Variants in PCDHGB6 observed in about 807,000 individuals in gnomAD.
PCDHGB6 encodes protocadherin gamma-B6.
PCDHGB6 carries 51 observed loss-of-function variants against 59.1 expected under a neutral mutation model. The ratio of observed to expected loss-of-function variants is 0.86; its 90% CI spans 0.69 to 1.09. The LOEUF (loss-of-function observed/expected upper bound fraction) is 1.09. Among genes scored for constraint, PCDHGB6 ranks in the 50% least tolerant of loss-of-function variants. PCDHGB6 has a pLI of 0.00. For missense variants in PCDHGB6, 1,148 were observed against 1,205.1 expected, an observed-to-expected ratio of 0.95 and a Z score of 0.70; for synonymous variants, 466 against 495.1, an observed-to-expected ratio of 0.94 and a Z score of 0.78.
intron 1 of PCDHGB6, chr5:141,430,820 G>C (rs1194897001): frequency 6.5e-7 from 1 of 1,541,598 alleles, no homozygotes; most frequent in East Asian, 2.3e-5. Context: ...AATCCTCCTG[G>C]GGACTCTGTG....
Position 141,485,795 on chromosome 5 carries a change from T to G in PCDHGB6, c.2419-9012T>G, listed in dbSNP as rs1225630684. On this transcript the variant is annotated intron_variant, in intron 1 of 3. Coordinates refer to ENST00000520790, the MANE Select transcript of PCDHGB6 (RefSeq NM_018926.3). The surrounding 1 kb of genome is among the most constrained non-coding windows in gnomAD (Gnocchi z 5.7). ...TTTGGATCGAGAGAAGCAATCGGAC[T>G]ACCGCCTGGTGCTGACTGCTGTCGA... 16 of 1,614,092 alleles carry G rather than the reference T, an allele frequency of 9.9e-6. No individual in the cohort carries two copies. The highest frequency in any genetic ancestry group is 1.1e-5 in the Non-Finnish European group (13 of 1,180,046).
chr5:141,455,254 G>T (rs936599726), intron 1 of PCDHGB6, among the ~76,000 whole-genome samples: 3 of 151,732 alleles, frequency 2.0e-5, no homozygotes, highest in African/African-American at 7.3e-5. Context: ...TAGTACAATC[G>T]CATTTCTTCC....
In PCDHGB6 at chr5:141,511,330, T is replaced by C; in HGVS notation, c.*157T>C. 1 of 1,455,994 alleles carries C rather than the reference T, an allele frequency of 6.9e-7. No homozygotes were observed. The highest frequency in any genetic ancestry group is 9.1e-7 in the Non-Finnish European group (1 of 1,093,254). 90.2% of individuals were successfully genotyped at this position (1,455,994 alleles called of 1,614,324 possible). ...TTGGGAAACAGAAACAAGTGCCCAG[T>C]CAGCACCTACCCCTTCCCCCCCAGG... On this transcript the variant is annotated 3_prime_UTR_variant, in exon 4 of 4. Coordinates refer to ENST00000520790, the MANE Select transcript of PCDHGB6 (RefSeq NM_018926.3).
Position 141,496,029 on chromosome 5 carries a change from C to T in PCDHGB6, c.2477+1164C>T, listed in dbSNP as rs548231443. ...TTGTCTTTTTTCTCTGAGCCTCTGTCTCTGTCTCTCATTTTTTTGTGCTTG... is the reference window on the plus strand; with the variant it reads ...TTGTCTTTTTTCTCTGAGCCTCTGTTTCTGTCTCTCATTTTTTTGTGCTTG... On this transcript the variant is annotated intron_variant, in intron 2 of 3. Coordinates refer to ENST00000520790, the MANE Select transcript of PCDHGB6 (RefSeq NM_018926.3). Among the ~76,000 whole-genome samples, 3 of 152,088 alleles carry T rather than the reference C, an allele frequency of 2.0e-5. No individual in the cohort carries two copies. In the East Asian group the frequency reaches 5.8e-4, roughly 29 times the overall value.
chr5:141,414,909 C>T (rs1230113440), intron 1 of PCDHGB6: 10 of 1,614,102 alleles, frequency 6.2e-6, no homozygotes, highest in Admixed American at 1.7e-5. Context: ...GTTCCACAGG[C>T]GTGGAGCTGG....
chr5:141,507,796 G>GGGAA (rs2099863457), intron 3 of PCDHGB6, among the ~76,000 whole-genome samples: 1 of 152,220 alleles, frequency 6.6e-6, no homozygotes, highest in Admixed American at 6.5e-5. Flanking sequence ...GTCTAAGCCT[G>GGGAA]CGCCCTGGGG....
intron 1 of PCDHGB6, chr5:141,413,569 G>A: frequency 1.2e-6 from 2 of 1,613,846 alleles, no homozygotes; most frequent in Non-Finnish European, 1.7e-6. Context: ...TGATATCAAT[G>A]ACAATGCTCC....
chr5:141,501,290 TACACACACAC>T (rs55762287), intron 2 of PCDHGB6, among the ~76,000 whole-genome samples: 44 of 136,248 alleles, frequency 3.2e-4, no homozygotes, highest in Admixed American at 7.8e-4. Context: ...TATTCCCTTA[TACACACACAC>T]ACACACACAC....
rs2099641707 is a variant in PCDHGB6 at position 141,487,238 on chromosome 5, C to T, written c.2419-7569C>T. 1.2e-6 allele frequency: 2 copies of T among 1,614,056 alleles called. No individual in the cohort carries two copies. The highest frequency in any genetic ancestry group is 1.7e-6 in the Non-Finnish European group (2 of 1,180,022). On this transcript the variant is annotated intron_variant, in intron 1 of 3. Transcript: ENST00000520790. This position sits in a 1 kb window ranked among gnomAD's most constrained non-coding sequence, Gnocchi z 5.0. ...AGCTCCAAGGGAAGGAGAATCTCGT[C>T]TAACCCTCTACTTGGCTGTGTCCCT...
In PCDHGB6 at chr5:141,432,452, C is replaced by T. The variant is rs780149710; in HGVS notation, c.2418+21832C>T. 3.7e-6 allele frequency: 6 copies of T among 1,614,094 alleles called. No homozygotes were observed. The highest frequency in any genetic ancestry group is 1.6e-4 in the Middle Eastern group (1 of 6,082). On this transcript the variant is annotated intron_variant, in intron 1 of 3. Coordinates refer to ENST00000520790, the MANE Select transcript of PCDHGB6 (RefSeq NM_018926.3). The surrounding 1 kb of genome is among the most constrained non-coding windows in gnomAD (Gnocchi z 6.0). ...CGACAATGCGCCCGAGATCCTGTACCCCGCCCTCCCCACGGACGGTTCCAC... is the reference window on the plus strand; with the variant it reads ...CGACAATGCGCCCGAGATCCTGTACTCCGCCCTCCCCACGGACGGTTCCAC...
chr5:141,415,920 G>T, intron 1 of PCDHGB6: 1 of 692,798 alleles, frequency 1.4e-6, no homozygotes, highest in Non-Finnish European at 2.0e-6. Context: ...AGAAGTGCCT[G>T]TCAATTTATA....
In PCDHGB6 at chr5:141,487,636, AC is replaced by A. The variant is rs1562120737; in HGVS notation, c.2419-7170del. On this transcript the variant is annotated intron_variant, in intron 1 of 3. Coordinates refer to ENST00000520790, the MANE Select transcript of PCDHGB6 (RefSeq NM_018926.3). The surrounding 1 kb of genome is among the most constrained non-coding windows in gnomAD (Gnocchi z 5.0). ...TAGAGGTGAGACCTTTGCAGGCTCA[AC>A]AAATGCTTGAGGGTTATTCTGATCC... 1 of 1,614,192 alleles carries A rather than the reference AC, an allele frequency of 6.2e-7. No individual in the cohort carries two copies. The highest frequency in any genetic ancestry group is 2.2e-5 in the East Asian group (1 of 44,886).
At position 141,420,290 on chromosome 5, in the gene PCDHGB6, T is replaced by C. The variant is rs563124810; in HGVS notation, c.2418+9670T>C. 1.3e-5 allele frequency: 19 copies of C among 1,496,908 alleles called. No individual in the cohort carries two copies. The East Asian group carries it at 3.9e-4, about 30-fold the overall frequency. 92.7% of individuals were successfully genotyped at this position (1,496,908 alleles called of 1,614,324 possible). A position where few individuals can be genotyped will look rare whatever the true frequency, so the allele number is the denominator to read the frequency against. ...TCTTAAACAGGTAAGTATTTAAAAA[T>C]GTATTTAATCCTTTTTATATTACAA... On this transcript the variant is annotated intron_variant, in intron 1 of 3. Transcript: ENST00000520790.
chr5:141,433,643 C>A (rs899772934), intron 1 of PCDHGB6, among the ~76,000 whole-genome samples: 13 of 152,070 alleles, frequency 8.5e-5, no homozygotes, highest in African/African-American at 2.7e-4. Context: ...TGAGACCAGC[C>A]TGACCAACAT....
rs778198822 is a variant in PCDHGB6, at chr5:141,432,802, A to C, written c.2418+22182A>C. 6.2e-7 allele frequency: 1 copy of C among 1,614,082 alleles called. No homozygotes were observed. The highest frequency in any genetic ancestry group is 1.1e-5 in the South Asian group (1 of 91,076). The stretch of plus-strand genomic sequence containing the variant: ...CGGACCTCGGCAGCCTCGAGTCTCC[A>C]GCTAACTCTGAAACCTCAGACCTCA... On this transcript the variant is annotated intron_variant, in intron 1 of 3. Transcript: ENST00000520790. This position sits in a 1 kb window ranked among gnomAD's most constrained non-coding sequence, Gnocchi z 6.0.
intron 1 of PCDHGB6, chr5:141,475,971 C>T (rs750016455): frequency 2.1e-5 from 20 of 954,292 alleles, no homozygotes; most frequent in Non-Finnish European, 2.9e-5. Context: ...GAGGCAGAGA[C>T]TGAACAGCCG....
rs1377420843 is a variant in PCDHGB6 at position 141,409,201 on chromosome 5, AATC to A, written c.1002_1004del (p.Ile335del). 1 of 1,614,044 alleles carries A rather than the reference AATC, an allele frequency of 6.2e-7. No individual in the cohort carries two copies. The highest frequency in any genetic ancestry group is 8.5e-7 in the Non-Finnish European group (1 of 1,179,906). On this transcript the variant is annotated inframe_deletion, in exon 1 of 4. Transcript: ENST00000520790. ...GTGGTCTCTCTACCCAGTGTAAAGT[AATC>A]ATAGAAATCCTTGATGAAAACGACA...
chr5:141,418,941 C>G, intron 1 of PCDHGB6: 1 of 1,614,034 alleles, frequency 6.2e-7, no homozygotes, highest in East Asian at 2.2e-5. Flanking sequence ...GAGGATTCCC[C>G]TCCAGGAGTG....
In PCDHGB6 at chr5:141,477,097, G is replaced by A; in HGVS notation, c.2419-17710G>A. ...AGATTTACATCCAGGCCAAAGACAAGGGCGCCAATCCCGAAGGAGCACATT... is the reference window on the plus strand; with the variant it reads ...AGATTTACATCCAGGCCAAAGACAAAGGCGCCAATCCCGAAGGAGCACATT... On this transcript the variant is annotated intron_variant, in intron 1 of 3. Transcript: ENST00000520790. This position sits in a 1 kb window ranked among gnomAD's most constrained non-coding sequence, Gnocchi z 4.9. 1 of 1,614,242 alleles carries A rather than the reference G, an allele frequency of 6.2e-7. No homozygotes were observed. Among genetic ancestry groups the A allele is most frequent in the South Asian group, 1.1e-5 (1 of 91,088 alleles).
Sources: allele counts gnomAD v4.1 joint callset (sites outside exome capture counted in the v4.1 genomes callset), GRCh38; gene constraint gnomAD v4.1.1; non-coding constraint Gnocchi (gnomAD v3.1); transcripts MANE v1.5; gene names NCBI Gene and HGNC (gene_info 2026-07-23, HGNC 2026-07-21).